Variants in IQSEC1 observed in about 807,000 individuals in gnomAD.
IQSEC1 encodes IQ motif and Sec7 domain ArfGEF 1, also known as IQ motif and SEC7 domain-containing protein 1.
Under a neutral mutation model 91.0 loss-of-function variants are expected in IQSEC1, and 31 were observed. The ratio of observed to expected loss-of-function variants is 0.34; its 90% CI spans 0.26 to 0.46. IQSEC1 has a LOEUF of 0.46. Ranked by LOEUF, IQSEC1 falls within the 20% of genes least tolerant of loss-of-function variation. The pLI, the probability that IQSEC1 is intolerant of heterozygous loss-of-function variation, is 1.00. For missense variants in IQSEC1, 1,388 were observed against 1,575.6 expected (o/e 0.88, Z 2.02); for synonymous variants, 699 against 662.6 (o/e 1.05, Z -0.84).
intron 1 of IQSEC1, among the ~76,000 whole-genome samples, chr3:12,982,958 G>A (rs370674284): frequency 1.3e-5 from 2 of 152,378 alleles, no homozygotes; most frequent in East Asian, 3.9e-4. Context: ...ACCCTGTCCT[G>A]AGGCTGCAGA....
chr3:12,899,156 C>G lies in IQSEC1; in HGVS notation c.*1827G>C. On this transcript the variant is annotated 3_prime_UTR_variant, in exon 14 of 14. Coordinates refer to ENST00000613206, the MANE Select transcript of IQSEC1 (RefSeq NM_001134382.3). Reference sequence around the variant, plus strand: ...GGTACGGTGATCTCAATGATATGACCGAGGGTGGGAGGGATGTGAGGAGGG... The same window carrying G: ...GGTACGGTGATCTCAATGATATGACGGAGGGTGGGAGGGATGTGAGGAGGG... The G allele has an allele frequency of 1.8e-6, 1 of 570,350 alleles. No individual in the cohort carries two copies. The highest frequency in any genetic ancestry group is 3.1e-5 in the Admixed American group (1 of 32,360). The allele number at this position is 570,350 out of a possible 1,614,324, so 35.3% of individuals were successfully genotyped here. A position where few individuals can be genotyped will look rare whatever the true frequency, so the allele number is the denominator to read the frequency against.
chr3:13,178,052 G>A (rs1693771940), intron 1 of IQSEC1, among the ~76,000 whole-genome samples: 2 of 152,362 alleles, frequency 1.3e-5, no homozygotes, highest in Admixed American at 1.3e-4. Flanking sequence ...TGAACACACT[G>A]AGATACCTGT....
intron 1 of IQSEC1, among the ~76,000 whole-genome samples, chr3:13,254,453 T>C (rs1196671399): frequency 6.6e-6 from 1 of 152,214 alleles, no homozygotes; most frequent in Non-Finnish European, 1.5e-5. Flanking sequence ...AAGATGTGCC[T>C]GAAACCATTC....
chr3:13,166,004 TGG>T (rs1693488158), intron 1 of IQSEC1, among the ~76,000 whole-genome samples: 1 of 152,214 alleles, frequency 6.6e-6, no homozygotes, highest in Non-Finnish European at 1.5e-5. Context: ...TGCTGTGGAC[TGG>T]TCACCCAGGC....
chr3:13,009,161 C>A lies in IQSEC1; in HGVS notation c.23+63831G>T, dbSNP rs548880710. Among the ~76,000 whole-genome samples the A allele has an allele frequency of 2.0e-5, 3 of 152,322 alleles. No individual in the cohort carries two copies. The South Asian group carries it at 6.2e-4, about 32-fold the overall frequency. On this transcript the variant is annotated intron_variant, in intron 1 of 13. Coordinates refer to ENST00000613206, the MANE Select transcript of IQSEC1 (RefSeq NM_001134382.3). ...GCCAAGGTTTGTTCATGTGCCTGCTCTGTCTTCATAGGTCTATTTTACAGA... is the reference window on the plus strand; with the variant it reads ...GCCAAGGTTTGTTCATGTGCCTGCTATGTCTTCATAGGTCTATTTTACAGA...
chr3:13,200,464 A>G (rs1694223931), intron 1 of IQSEC1, among the ~76,000 whole-genome samples: 1 of 152,220 alleles, frequency 6.6e-6, no homozygotes, highest in Admixed American at 6.5e-5. Context: ...AGAAACAACG[A>G]TCACATCTGT....
In IQSEC1 at chr3:13,013,985, G is replaced by A. The variant is rs752073067; in HGVS notation, c.23+59007C>T. On this transcript the variant is annotated intron_variant, in intron 1 of 13. Coordinates refer to ENST00000613206, the MANE Select transcript of IQSEC1 (RefSeq NM_001134382.3). ...CTCTGATCTGCTCTGTGCCTCTGCT[G>A]GGCTGGACCGAAATGGGCCTTGAAC... Among the ~76,000 whole-genome samples the A allele has an allele frequency of 3.7e-4, 57 of 152,314 alleles. 2 individuals are homozygous for A. Among genetic ancestry groups the A allele is most frequent in the Non-Finnish European group, 1.0e-4 (7 of 68,018 alleles).
intron 1 of IQSEC1, among the ~76,000 whole-genome samples, chr3:13,200,810 G>A (rs930169024): frequency 2.6e-5 from 4 of 152,124 alleles, no homozygotes; most frequent in Admixed American, 6.5e-5. Flanking sequence ...TTTGACTCTG[G>A]GCGAGTCACT....
chr3:13,139,926 C>A (rs1354064859), intron 2 of IQSEC1, among the ~76,000 whole-genome samples: 2 of 152,198 alleles, frequency 1.3e-5, no homozygotes, highest in Admixed American at 6.5e-5. Context: ...GAGGCAAACA[C>A]CACAGGCCAC....
rs145760022 is a variant in IQSEC1 at position 13,049,087 on chromosome 3, G to A, written c.23+23905C>T. On this transcript the variant is annotated intron_variant, in intron 1 of 13. Transcript: ENST00000613206. ...AGGTTTTATAGGAGGGAGAGCTAGC[G>A]GGGTGGCAAGCAGGCCTTCCCTGCC... Among the ~76,000 whole-genome samples, 141 of 152,244 alleles carry A rather than the reference G, an allele frequency of 9.3e-4. 1 individual carries two copies. The highest frequency in any genetic ancestry group is 3.3e-3 in the African/African-American group (138 of 41,542).
intron 2 of IQSEC1, among the ~76,000 whole-genome samples, chr3:13,097,341 C>T (rs1234652552): frequency 1.3e-5 from 2 of 152,178 alleles, no homozygotes; most frequent in African/African-American, 4.8e-5. Context: ...GCCTTTTTCC[C>T]TCCCTGCTTC....
intron 1 of IQSEC1, among the ~76,000 whole-genome samples, chr3:13,273,071 C>G (rs998623757): frequency 6.6e-6 from 1 of 152,198 alleles, no homozygotes; most frequent in Non-Finnish European, 1.5e-5. Flanking sequence ...TGCCACTCCT[C>G]TAGCAGGGAG....
At chr3:12,925,330 G>A (rs535987121) in intron 3 of IQSEC1, among the ~76,000 whole-genome samples, 2 of 152,328 alleles carry the variant, frequency 1.3e-5, no homozygotes, top group African/African-American at 2.4e-5. Context: ...CCGCTGTTGA[G>A]GCGCCCTGTG....
chr3:12,901,165 CGTGCTGGATGTGCTGGGGTGGGTG>C lies in IQSEC1; in HGVS notation c.3139_3162del (p.His1047_His1054del), dbSNP rs919991013. The C allele has an allele frequency of 4.9e-5, 76 of 1,542,770 alleles. No homozygotes were observed. The highest frequency in any genetic ancestry group is 1.7e-4 in the Middle Eastern group (1 of 5,910). On this transcript the variant is annotated inframe_deletion, in exon 14 of 14. Transcript: ENST00000613206. ...TGGGGGCCGTGGTGGTACTGGTGTGCGTGCTGGATGTGCTGGGGTGGGTGGTGGTGGTGGTGATGGTGGTACGGG... is the reference window on the plus strand; with the variant it reads ...TGGGGGCCGTGGTGGTACTGGTGTGCGTGGTGGTGGTGATGGTGGTACGGG...
intron 1 of IQSEC1, among the ~76,000 whole-genome samples, chr3:13,040,473 C>G (rs1037386111): frequency 3.3e-5 from 5 of 152,194 alleles, no homozygotes; most frequent in African/African-American, 1.2e-4. Flanking sequence ...CTCCATAGGT[C>G]AGGGGAGGGG....
In IQSEC1 at chr3:13,019,616, T is replaced by C. The variant is rs368857342; in HGVS notation, c.23+53376A>G. The stretch of plus-strand genomic sequence containing the variant: ...GTCCTTTCAGGGGCTCTCAACAGAA[T>C]GGGGTAGGGGTCGGGAGGGCAGAGT... On this transcript the variant is annotated intron_variant, in intron 1 of 13. Transcript: ENST00000613206. 9.0e-3 allele frequency among the ~76,000 whole-genome samples: 1,370 copies of C among 152,186 alleles called. 20 individuals carry two copies. Among genetic ancestry groups the C allele is most frequent in the African/African-American group, 0.031 (1,282 of 41,524 alleles).
intron 1 of IQSEC1, among the ~76,000 whole-genome samples, chr3:13,012,173 AC>A (rs1023035378): frequency 1.3e-5 from 2 of 151,986 alleles, no homozygotes; most frequent in African/African-American, 4.8e-5. Context: ...ACTTGCCTGC[AC>A]CCCCGGCATG....
chr3:13,112,899 T>G (rs1226083722), intron 2 of IQSEC1, among the ~76,000 whole-genome samples: 1 of 152,236 alleles, frequency 6.6e-6, no homozygotes, highest in Non-Finnish European at 1.5e-5. Flanking sequence ...GAGAGCCTGG[T>G]GAGACATGAG....
upstream of IQSEC1, among the ~76,000 whole-genome samples, chr3:13,074,363 G>A (rs978455846): frequency 5.3e-5 from 8 of 152,132 alleles, no homozygotes; most frequent in African/African-American, 1.9e-4. Flanking sequence ...TGTGCGACAG[G>A]GAGGTGGAGG....
Sources: gnomAD v4.1 joint callset for allele counts (sites outside exome capture counted in the v4.1 genomes callset) on GRCh38, gnomAD v4.1.1 for gene constraint, MANE v1.5 for transcripts, NCBI Gene and HGNC (gene_info 2026-07-23, HGNC 2026-07-21) for gene names.